Variants in LINGO1 observed in about 807,000 individuals in gnomAD.
LINGO1 encodes the protein leucine rich repeat and Ig domain containing 1, also known as leucine-rich repeat and immunoglobulin-like domain-containing nogo receptor-interacting protein 1.
LINGO1 carries 11 observed loss-of-function variants against 37.3 expected under a neutral mutation model. That is an observed-to-expected ratio of 0.29 (90% CI 0.19 to 0.49). The LOEUF (loss-of-function observed/expected upper bound fraction) is 0.49. Among genes scored for constraint, LINGO1 ranks in the 20% least tolerant of loss-of-function variants. LINGO1 has a pLI of 0.99. For missense variants in LINGO1, 585 were observed against 878.2 expected (o/e 0.67, Z 4.22); for synonymous variants, 387 against 403.0 (o/e 0.96, Z 0.48).
chr15:77,760,016 C>T (rs1420250660), intron 1 of LINGO1, among the ~76,000 whole-genome samples: 1 of 152,196 alleles, frequency 6.6e-6, no homozygotes, highest in Non-Finnish European at 1.5e-5. Flanking sequence ...CTCAGAGCCC[C>T]ACTCACCGCC....
chr15:77,776,549 G>GA (rs2076655774), intron 1 of LINGO1, among the ~76,000 whole-genome samples: 1 of 149,616 alleles, frequency 6.7e-6, no homozygotes, highest in African/African-American at 2.5e-5. Context: ...AGGGAGGGAG[G>GA]GAGGGAGGGA....
At chr15:77,622,245 T>G (rs2073945400) in intron 1 of LINGO1, among the ~76,000 whole-genome samples, 2 of 140,730 alleles carry the variant, frequency 1.4e-5, no homozygotes, top group Non-Finnish European at 1.5e-5. Context: ...GGGAGACACG[T>G]GGTGGGTGAG....
At chr15:77,754,634 C>T (rs552646635) in intron 1 of LINGO1, among the ~76,000 whole-genome samples, 2 of 152,372 alleles carry the variant, frequency 1.3e-5, no homozygotes, top group East Asian at 3.9e-4. Flanking sequence ...CCAGCCTAGG[C>T]TGTGCTGGGG....
At chr15:77,751,466 A>G (rs545192253) in intron 1 of LINGO1, among the ~76,000 whole-genome samples, 1 of 152,338 alleles carries the variant, frequency 6.6e-6, no homozygotes, top group Non-Finnish European at 1.5e-5. Context: ...GGGAGTGAGC[A>G]TAAGACCTGT....
chr15:77,802,062 A>G (rs1487695706), intron 1 of LINGO1, among the ~76,000 whole-genome samples: 2 of 152,090 alleles, frequency 1.3e-5, no homozygotes, highest in Non-Finnish European at 2.9e-5. Flanking sequence ...GAAGGGAGAG[A>G]GAGAGCGAGG....
intron 1 of LINGO1, among the ~76,000 whole-genome samples, chr15:77,815,531 G>T (rs1339818901): frequency 6.6e-6 from 1 of 152,178 alleles, no homozygotes; most frequent in Non-Finnish European, 1.5e-5. Context: ...AAACAAATGT[G>T]TTCACTTTAC....
upstream of LINGO1, among the ~76,000 whole-genome samples, chr15:77,699,572 A>G (rs1017981213): frequency 3.5e-4 from 2 of 5,698 alleles, no homozygotes; most frequent in East Asian, 4.7e-3. Context: ...ACAGTAAAGC[A>G]CATACTAACC....
chr15:77,675,449 G>A (rs571957955), intron 3 of LINGO1, among the ~76,000 whole-genome samples: 4 of 152,310 alleles, frequency 2.6e-5, no homozygotes, highest in Admixed American at 6.5e-5. Context: ...GTAAAAGGGT[G>A]GGGAAGAACT....
chr15:77,696,490 A>G (rs1010786360), exon 1 of LINGO1: 2 of 152,366 alleles, frequency 1.3e-5, no homozygotes, highest in African/African-American at 4.8e-5. Context: ...AGATGGAGCT[A>G]ATAATACCCG....
At chr15:77,698,896 G>A (rs527728817), upstream of LINGO1, among the ~76,000 whole-genome samples, 16 of 152,256 alleles carry the variant, frequency 1.1e-4, no homozygotes, top group African/African-American at 3.4e-4. Context: ...GAGTCCCTGC[G>A]GACAAGAGCA....
At position 77,628,621 on chromosome 15, in the gene LINGO1, G is replaced by A. The variant is rs914695911; in HGVS notation, c.6+3689C>T. 4.0e-4 allele frequency among the ~76,000 whole-genome samples: 61 copies of A among 152,178 alleles called. 2 individuals are homozygous for A. Among genetic ancestry groups the A allele is most frequent in the Admixed American group, 3.9e-3 (60 of 15,270 alleles). On this transcript the variant is annotated intron_variant, in intron 1 of 1. Coordinates refer to ENST00000355300, the MANE Select transcript of LINGO1 (RefSeq NM_032808.7). ...GGGACGGGGTGTGCAGGAGCACATG[G>A]GGAGATGTACATCATTACTGGATTG...
chr15:77,626,148 C>A (rs925526912), intron 1 of LINGO1, among the ~76,000 whole-genome samples: 6 of 152,110 alleles, frequency 3.9e-5, no homozygotes, highest in Non-Finnish European at 1.5e-5. Flanking sequence ...CAAGGTCCCA[C>A]AGAATCTCTG....
chr15:77,725,561 T>A (rs959933718), intron 2 of LINGO1, among the ~76,000 whole-genome samples: 1 of 152,012 alleles, frequency 6.6e-6, no homozygotes, highest in Admixed American at 6.5e-5. Context: ...AGACCCTGTC[T>A]CCAAATAAAT....
chr15:77,678,941 C>T (rs1486582755), intron 2 of LINGO1, among the ~76,000 whole-genome samples: 1 of 152,030 alleles, frequency 6.6e-6, no homozygotes, highest in East Asian at 1.9e-4. Flanking sequence ...TGCTCTGTCA[C>T]CCTGGCTGGA....
intron 1 of LINGO1, among the ~76,000 whole-genome samples, chr15:77,757,872 G>A (rs747986346): frequency 1.3e-5 from 2 of 152,186 alleles, no homozygotes; most frequent in African/African-American, 2.4e-5. Flanking sequence ...CCCAACCTCC[G>A]GCTCATTAGC....
chr15:77,696,658 C>T, upstream of LINGO1, among the ~76,000 whole-genome samples: 1 of 152,238 alleles, frequency 6.6e-6, no homozygotes, highest in East Asian at 1.9e-4. Context: ...ACCCTCCCTG[C>T]CCCCTATCTC....
At chr15:77,695,270 G>A (rs1023692692) in intron 1 of LINGO1, among the ~76,000 whole-genome samples, 3 of 152,146 alleles carry the variant, frequency 2.0e-5, no homozygotes, top group Non-Finnish European at 4.4e-5. Context: ...GAGGCAGCCC[G>A]GTGAGCAGAT....
intron 2 of LINGO1, among the ~76,000 whole-genome samples, chr15:77,724,737 G>A (rs2076085618): frequency 6.6e-6 from 1 of 152,196 alleles, no homozygotes. Flanking sequence ...ACCCAGGGCA[G>A]TAAGCACCCC....
chr15:77,625,596 T>A (rs1417432747), intron 1 of LINGO1, among the ~76,000 whole-genome samples: 2 of 152,198 alleles, frequency 1.3e-5, no homozygotes, highest in East Asian at 1.9e-4. Context: ...TTGATCTCCA[T>A]AACCACCCTA....
Sources: gnomAD v4.1 joint callset for allele counts (sites outside exome capture counted in the v4.1 genomes callset) on GRCh38, gnomAD v4.1.1 for gene constraint, MANE v1.5 for transcripts, NCBI Gene and HGNC (gene_info 2026-07-23, HGNC 2026-07-21) for gene names.